GLYATL2: variants seen among roughly 807,000 people sequenced by gnomAD.
GLYATL2 encodes glycine N-acyltransferase-like protein 2.
Under a neutral mutation model 21.4 loss-of-function variants are expected in GLYATL2, and 25 were observed. The ratio of observed to expected loss-of-function variants is 1.17; its 90% CI spans 0.85 to 1.63. GLYATL2 has a LOEUF of 1.63. GLYATL2 is among the 40% of genes most tolerant of loss of function. The pLI, the probability that GLYATL2 is intolerant of heterozygous loss-of-function variation, is 0.00. For missense variants in GLYATL2, 361 were observed against 343.3 expected, an observed-to-expected ratio of 1.05 and a Z score of -0.41; for synonymous variants, 114 against 118.2, an observed-to-expected ratio of 0.96 and a Z score of 0.23.
intron 1 of GLYATL2, among the ~76,000 whole-genome samples, chr11:58,850,226 A>G (rs1411953375): frequency 6.6e-6 from 1 of 152,106 alleles, no homozygotes; most frequent in Non-Finnish European, 1.5e-5. Context: ...TAGGTCTGTC[A>G]TATATAGCTT....
At chr11:58,835,715 T>C (rs1288737307) in intron 5 of GLYATL2, among the ~76,000 whole-genome samples, 2 of 152,180 alleles carry the variant, frequency 1.3e-5, no homozygotes, top group African/African-American at 4.8e-5. Context: ...AGATCTCAAG[T>C]ACCCTTTCCT....
chr11:58,905,323 A>G (rs115740684), upstream of GLYATL2: 940 of 393,400 alleles, frequency 2.4e-3, 6 homozygotes, highest in African/African-American at 0.018. Flanking sequence ...TGCGACTTGC[A>G]GTCAGCTGGA....
In GLYATL2 at chr11:58,836,885, C is replaced by G. The variant is rs1218599776; in HGVS notation, c.476+130G>C. The G allele has an allele frequency of 6.3e-6, 5 of 789,666 alleles. No individual in the cohort carries two copies. The African/African-American group carries it at 6.9e-5, about 11-fold the overall frequency. The allele number at this position is 789,666 out of a possible 1,614,324, so 48.9% of individuals were successfully genotyped here. On this transcript the variant is annotated intron_variant, in intron 5 of 5. Transcript: ENST00000287275. ...TCAGTACACAGTTGCTAACATAACTCCCTTTCTTTACCCATGCAATTGTGT... is the reference window on the plus strand; with the variant it reads ...TCAGTACACAGTTGCTAACATAACTGCCTTTCTTTACCCATGCAATTGTGT...
At chr11:58,837,220 A>G (rs778882013) in intron 4 of GLYATL2, 43 bp from the exon 5 acceptor site, 1 of 1,612,772 alleles carries the variant, frequency 6.2e-7, no homozygotes, top group Non-Finnish European at 8.5e-7. Context: ...TGCCTTCCAT[A>G]TCGGCTAGGA....
At chr11:58,889,163 A>G (rs1041470227) in intron 1 of GLYATL2, among the ~76,000 whole-genome samples, 49 of 151,884 alleles carry the variant, frequency 3.2e-4, no homozygotes, top group African/African-American at 1.1e-3. Flanking sequence ...TTATTTTTCC[A>G]TTTCTATTTC....
At chr11:58,851,117 C>T (rs2134586528) in intron 1 of GLYATL2, among the ~76,000 whole-genome samples, 1 of 152,264 alleles carries the variant, frequency 6.6e-6, no homozygotes. Context: ...CACTCTTTAC[C>T]CTGCCCCTTT....
rs775623074 is a variant in GLYATL2, at chr11:58,834,702, C to G, written c.612G>C (p.Val204=). The G allele has an allele frequency of 5.0e-6, 8 of 1,613,556 alleles. No individual in the cohort carries two copies. The South Asian group carries it at 7.7e-5, about 16-fold the overall frequency. Residue 204 remains valine (V), a synonymous_variant, in exon 6 of 6, where the codon GTG becomes GTC. Transcript: ENST00000287275. ...AGACAAGCTGGCCCTCTGGACCCAGCACACCAAATCCTAGAAAATCCTGGA... is the reference window on the plus strand; with the variant it reads ...AGACAAGCTGGCCCTCTGGACCCAGGACACCAAATCCTAGAAAATCCTGGA... ...RCLQDFLGFG[V]LGPEGQLVSW...
chr11:58,872,665 C>T (rs1854146551), intron 1 of GLYATL2, among the ~76,000 whole-genome samples: 1 of 152,216 alleles, frequency 6.6e-6, no homozygotes, highest in East Asian at 1.9e-4. Flanking sequence ...GGTGCCAGCA[C>T]CGTGCTGTTT....
intron 1 of GLYATL2, among the ~76,000 whole-genome samples, chr11:58,852,920 T>G (rs1245734421): frequency 6.6e-6 from 1 of 152,230 alleles, no homozygotes; most frequent in East Asian, 1.9e-4. Context: ...AATTCTTTTT[T>G]GCCTAAGTCA....
At chr11:58,864,097 G>A (rs1699877810) in intron 1 of GLYATL2, among the ~76,000 whole-genome samples, 1 of 152,160 alleles carries the variant, frequency 6.6e-6, no homozygotes, top group African/African-American at 2.4e-5. Context: ...GGCACCTAGG[G>A]TGGACTTGGA....
chr11:58,906,836 T>C (rs1164457345), upstream of GLYATL2, among the ~76,000 whole-genome samples: 1 of 152,144 alleles, frequency 6.6e-6, no homozygotes, highest in Non-Finnish European at 1.5e-5. Context: ...TGTGGCCACA[T>C]AGACGGTTGT....
chr11:58,905,747 T>C (rs914501285), upstream of GLYATL2: 1 of 5,446 alleles, frequency 1.8e-4, no homozygotes. Flanking sequence ...ATAGGGAGGG[T>C]GGGCGGGTGG....
At chr11:58,889,604 T>C (rs1333989490) in intron 1 of GLYATL2, among the ~76,000 whole-genome samples, 1 of 151,806 alleles carries the variant, frequency 6.6e-6, no homozygotes, top group Non-Finnish European at 1.5e-5. Flanking sequence ...TTATCTTATT[T>C]CATTTTTGTC....
At chr11:58,846,620 G>A (rs1352940369), upstream of GLYATL2, among the ~76,000 whole-genome samples, 1 of 152,132 alleles carries the variant, frequency 6.6e-6, no homozygotes, top group Non-Finnish European at 1.5e-5. Flanking sequence ...CCTGCCCATG[G>A]AGGCAGAGGG....
intron 1 of GLYATL2, among the ~76,000 whole-genome samples, chr11:58,867,313 AT>A (rs1854039733): frequency 6.7e-6 from 1 of 149,300 alleles, no homozygotes; most frequent in South Asian, 2.1e-4. Context: ...CAGTACAGGA[AT>A]TATAAAGCAT....
At chr11:58,884,989 G>T in intron 1 of GLYATL2, 1 of 156,000 alleles carries the variant, frequency 6.4e-6, no homozygotes, top group South Asian at 1.8e-4. Context: ...GGCCCTGTAC[G>T]AATCCCTGGC....
intron 1 of GLYATL2, among the ~76,000 whole-genome samples, chr11:58,895,197 A>G (rs561006350): frequency 8.5e-5 from 13 of 152,298 alleles, no homozygotes; most frequent in East Asian, 1.9e-4. Flanking sequence ...AAACCTTAAC[A>G]TGCACTTGGA....
At chr11:58,884,575 A>G (rs1854402574) in intron 1 of GLYATL2, among the ~76,000 whole-genome samples, 1 of 152,188 alleles carries the variant, frequency 6.6e-6, no homozygotes, top group Non-Finnish European at 1.5e-5. Flanking sequence ...ACCAAAATAC[A>G]GGGAAAAAGT....
At chr11:58,883,353 C>A (rs534179050) in intron 1 of GLYATL2, among the ~76,000 whole-genome samples, 2 of 152,144 alleles carry the variant, frequency 1.3e-5, no homozygotes, top group Admixed American at 1.3e-4. Flanking sequence ...AAAGAAGAAT[C>A]AAATAGATGC....
Sources: gnomAD v4.1 joint callset for allele counts (sites outside exome capture counted in the v4.1 genomes callset) on GRCh38, gnomAD v4.1.1 for gene constraint, MANE v1.5 for transcripts, NCBI Gene and HGNC (gene_info 2026-07-23, HGNC 2026-07-21) for gene names.